AASS: variants seen among roughly 807,000 people sequenced by gnomAD.
AASS encodes the protein aminoadipate-semialdehyde synthase.
In AASS, 86 loss-of-function variants were observed where a neutral mutation model predicts 105.4. The ratio of observed to expected loss-of-function variants is 0.82; its 90% confidence interval spans 0.69 to 0.98. The LOEUF is 0.98. Among genes scored for constraint, AASS ranks in the 50% least tolerant of loss-of-function variants. The pLI is 0.00. For synonymous variants in AASS, 381 were observed against 394.8 expected (o/e 0.96, Z 0.41); for missense variants, 1,048 against 1,143.2 (o/e 0.92, Z 1.20).
At chr7:122,104,501 C>A (rs968061736) in intron 11 of AASS, among the ~76,000 whole-genome samples, 2 of 151,974 alleles carry the variant, frequency 1.3e-5, no homozygotes, top group African/African-American at 4.8e-5. Context: ...GAAGCTGAGG[C>A]AGGAGAATTG....
At chr7:122,122,136 C>T (rs537385567) in intron 4 of AASS, among the ~76,000 whole-genome samples, 2 of 152,124 alleles carry the variant, frequency 1.3e-5, no homozygotes, top group East Asian at 3.9e-4. Flanking sequence ...GTTCTACTGT[C>T]ATTTTCTTTG....
intron 1 of AASS, among the ~76,000 whole-genome samples, chr7:122,137,319 G>C (rs1796191655): frequency 6.6e-6 from 1 of 152,132 alleles, no homozygotes; most frequent in African/African-American, 2.4e-5. Flanking sequence ...TTAACACCTG[G>C]AATTTTCTCT....
rs1272651553 is a variant in AASS at position 122,091,846 on chromosome 7, A to G, written c.1876-3T>C. ...CAGTAGGAAATATATGATTCAATCT[A>G]TAAATTAAAGAATCAATAAATAAGG... On this transcript the variant is annotated splice_polypyrimidine_tract_variant and splice_region_variant and intron_variant, in intron 17 of 23. Coordinates refer to ENST00000417368, the MANE Select transcript of AASS (RefSeq NM_005763.4). 3.2e-6 allele frequency: 5 copies of G among 1,585,464 alleles called. No homozygotes were observed. Among genetic ancestry groups the G allele is most frequent in the Non-Finnish European group, 4.3e-6 (5 of 1,155,384 alleles).
chr7:122,139,293 T>G (rs1264311319), intron 1 of AASS, among the ~76,000 whole-genome samples: 1 of 152,168 alleles, frequency 6.6e-6, no homozygotes, highest in East Asian at 1.9e-4. Flanking sequence ...ATGATGCACT[T>G]GGTAAAGATA....
intron 8 of AASS, among the ~76,000 whole-genome samples, chr7:122,116,078 T>A (rs1795156841): frequency 6.6e-6 from 1 of 152,220 alleles, no homozygotes. Context: ...GGCCAATGAC[T>A]ATAGAGCACA....
chr7:122,127,912 A>T (rs903102112), intron 3 of AASS, among the ~76,000 whole-genome samples: 3 of 152,146 alleles, frequency 2.0e-5, no homozygotes, highest in Non-Finnish European at 2.9e-5. Context: ...CAGCCCTCTT[A>T]GATTATCCCT....
intron 13 of AASS, among the ~76,000 whole-genome samples, chr7:122,100,557 T>C (rs1794379578): frequency 6.6e-6 from 1 of 151,900 alleles, no homozygotes; most frequent in Non-Finnish European, 1.5e-5. Flanking sequence ...CTGCTTGTAG[T>C]AGAACCACTG....
chr7:122,086,063 A>T lies in AASS; in HGVS notation c.2133T>A (p.Ile711=), dbSNP rs1562906456. Residue 711 remains isoleucine, a synonymous_variant, in exon 19 of 24, where the codon ATT becomes ATA. Transcript: ENST00000417368. The part of the protein sequence containing the change: ...PNRDSTKYAE[I]YGISSAHTLL... Reference sequence around the variant, plus strand: ...AAGTGTGAGCAGAAGAAATGCCATAAATCTCAGCATATTTCGTACTGTCTC... The same window carrying T: ...AAGTGTGAGCAGAAGAAATGCCATATATCTCAGCATATTTCGTACTGTCTC... 1 of 1,613,698 alleles carries T rather than the reference A, an allele frequency of 6.2e-7. No individual in the cohort carries two copies. The highest frequency in any genetic ancestry group is 2.2e-5 in the East Asian group (1 of 44,846).
At chr7:122,117,895 A>T (rs1206590379) in intron 6 of AASS, among the ~76,000 whole-genome samples, 1 of 152,050 alleles carries the variant, frequency 6.6e-6, no homozygotes, top group East Asian at 1.9e-4. Context: ...ACCTCAGGTG[A>T]TCCGCCTGCC....
chr7:122,114,633 CAG>C lies in AASS; in HGVS notation c.1043+439_1043+440del, dbSNP rs750883220. 3.2e-4 allele frequency among the ~76,000 whole-genome samples: 49 copies of C among 152,168 alleles called. 2 individuals carry two copies. In the East Asian group the frequency reaches 3.3e-3, roughly 10 times the overall value. On this transcript the variant is annotated intron_variant, in intron 9 of 23. Coordinates refer to ENST00000417368, the MANE Select transcript of AASS (RefSeq NM_005763.4). ...AAATGAGGAATTTCAAAACAAAAAA[CAG>C]AGTAACAGACTAGAGATAGAGATGA...
At chr7:122,088,813 G>A (rs1793756776) in intron 18 of AASS, among the ~76,000 whole-genome samples, 1 of 152,032 alleles carries the variant, frequency 6.6e-6, no homozygotes, top group South Asian at 2.1e-4. Context: ...GCAAAGCTCT[G>A]CCATATCACT....
intron 9 of AASS, among the ~76,000 whole-genome samples, chr7:122,114,493 G>A (rs1357271619): frequency 6.6e-6 from 1 of 152,090 alleles, no homozygotes; most frequent in African/African-American, 2.4e-5. Context: ...TTATTTCAAT[G>A]CCTATTATAT....
At position 122,074,330 on chromosome 7, in the gene AASS, T is replaced by C. The variant is rs1792903338; in HGVS notation, c.*2159A>G. On this transcript the variant is annotated 3_prime_UTR_variant, in exon 24 of 24. Coordinates refer to ENST00000417368, the MANE Select transcript of AASS (RefSeq NM_005763.4). ...GTTGATTTTTAAAAATTGAATTATATGCCTTTTAATTATTATTGTAACAGT... is the reference window on the plus strand; with the variant it reads ...GTTGATTTTTAAAAATTGAATTATACGCCTTTTAATTATTATTGTAACAGT... Among the ~76,000 whole-genome samples the C allele has an allele frequency of 6.6e-6, 1 of 152,210 alleles. No individual in the cohort carries two copies. The highest frequency in any genetic ancestry group is 1.5e-5 in the Non-Finnish European group (1 of 68,024).
At chr7:122,107,544 T>C (rs750324263) in intron 11 of AASS, among the ~76,000 whole-genome samples, 50 of 152,096 alleles carry the variant, frequency 3.3e-4, no homozygotes, top group Non-Finnish European at 5.4e-4. Flanking sequence ...GAACATGTGG[T>C]ACACCATGGA....
chr7:122,129,422 A>G lies in AASS; in HGVS notation c.326T>C (p.Phe109Ser). Residue 109 changes from phenylalanine (F) to serine (S), a missense_variant, in exon 3 of 24, where the codon TTC (phenylalanine) becomes TCC (serine). Physicochemically the swap from Phe to Ser is radical, Grantham distance 155. Coordinates refer to ENST00000417368, the MANE Select transcript of AASS (RefSeq NM_005763.4). Reference protein sequence around the residue: ...KLMSRKTYAFFSHTIKAQEAN... With the variant: ...KLMSRKTYAFSSHTIKAQEAN... ...CTCCTGAGCTTTTATTGTGTGGGAG[A>G]AAAATGCATAAGTCTTCCTGGACAT... The G allele has an allele frequency of 6.2e-7, 1 of 1,613,276 alleles. No homozygotes were observed. The highest frequency in any genetic ancestry group is 8.5e-7 in the Non-Finnish European group (1 of 1,179,516).
chr7:122,102,402 A>G (rs1029637379), intron 11 of AASS, among the ~76,000 whole-genome samples: 13 of 152,078 alleles, frequency 8.5e-5, no homozygotes, highest in Non-Finnish European at 1.9e-4. Context: ...GTCCTTCTCA[A>G]AGAACCCAAT....
rs145707361 is a variant in AASS, at chr7:122,113,351, C to T, written c.1167-122G>A. Reference sequence around the variant, plus strand: ...ATTTGTAATTTTGTATAAAAGTATACGCGAAAATAAACAAAACTTTTCAAA... The same window carrying T: ...ATTTGTAATTTTGTATAAAAGTATATGCGAAAATAAACAAAACTTTTCAAA... On this transcript the variant is annotated intron_variant, in intron 10 of 23. Transcript: ENST00000417368. 106 of 1,065,626 alleles carry T rather than the reference C, an allele frequency of 9.9e-5. No individual in the cohort carries two copies. The African/African-American group carries it at 1.1e-3, about 11-fold the overall frequency. 66.0% of individuals were successfully genotyped at this position (1,065,626 alleles called of 1,614,324 possible). A position where few individuals can be genotyped will look rare whatever the true frequency, so the allele number is the denominator to read the frequency against.
At chr7:122,110,866 T>G (rs1794900518) in intron 11 of AASS, among the ~76,000 whole-genome samples, 1 of 152,008 alleles carries the variant, frequency 6.6e-6, no homozygotes, top group Non-Finnish European at 1.5e-5. Context: ...AACTTAGTCA[T>G]AAATAAAAGG....
At chr7:122,141,026 A>G (rs745768304) in intron 1 of AASS, among the ~76,000 whole-genome samples, 13 of 152,168 alleles carry the variant, frequency 8.5e-5, no homozygotes, top group Non-Finnish European at 1.5e-4. Flanking sequence ...GAGGTTCAAA[A>G]GAGTTCCAGA....
Sources: allele counts gnomAD v4.1 joint callset (sites outside exome capture counted in the v4.1 genomes callset), GRCh38; gene constraint gnomAD v4.1.1; transcripts MANE v1.5; gene names NCBI Gene and HGNC (gene_info 2026-07-23, HGNC 2026-07-21).